ME1: variants seen among roughly 807,000 people sequenced by gnomAD.
The protein encoded by ME1 is malic enzyme 1, also known as NADP-dependent malic enzyme.
Under a neutral mutation model 66.4 loss-of-function variants are expected in ME1, and 74 were observed. That is an observed-to-expected ratio of 1.11 (90% CI 0.92 to 1.35). ME1 has a LOEUF of 1.35. Among genes scored for constraint, ME1 ranks in the 40% most tolerant of loss-of-function variants. ME1 has a pLI of 0.00. For synonymous variants in ME1, 251 were observed against 235.6 expected, an observed-to-expected ratio of 1.07 and a Z score of -0.60; for missense variants, 750 against 694.1, an observed-to-expected ratio of 1.08 and a Z score of -0.90.
At position 83,211,525 on chromosome 6, in the gene ME1, G is replaced by GC. The variant is rs1413008702; in HGVS notation, c.*398dup. 4.8e-5 allele frequency: 1 copy of GC among 20,962 alleles called. No homozygotes were observed. Among genetic ancestry groups the GC allele is most frequent in the African/African-American group, 4.1e-4 (1 of 2,460 alleles). 1.3% of individuals were successfully genotyped at this position (20,962 alleles called of 1,614,324 possible). On this transcript the variant is annotated 3_prime_UTR_variant, in exon 14 of 14. Transcript: ENST00000369705. ...TCACCTACGCCTAGATTCATTTCTA[G>GC]CTTTTTTTTTTTGAAAAGTAGATTT...
chr6:83,341,135 A>G (rs946568879), intron 5 of ME1, among the ~76,000 whole-genome samples: 1 of 152,104 alleles, frequency 6.6e-6, no homozygotes, highest in African/African-American at 2.4e-5. Flanking sequence ...TGGGCAATCA[A>G]TCAATCAATC....
chr6:83,385,417 T>G (rs1769487174), intron 3 of ME1, among the ~76,000 whole-genome samples: 1 of 151,936 alleles, frequency 6.6e-6, no homozygotes, highest in Non-Finnish European at 1.5e-5. Flanking sequence ...ATGCTATGTG[T>G]AAACTTAAGT....
intron 5 of ME1, among the ~76,000 whole-genome samples, 199 bp from the exon 6 acceptor site, chr6:83,315,612 T>G (rs1768016593): frequency 6.6e-6 from 1 of 152,114 alleles, no homozygotes; most frequent in Non-Finnish European, 1.5e-5. Flanking sequence ...AGAAAAATAA[T>G]TTCTGGTCAG....
intron 6 of ME1, among the ~76,000 whole-genome samples, chr6:83,260,150 A>C (rs1583345019): frequency 6.6e-6 from 1 of 150,720 alleles, no homozygotes; most frequent in Non-Finnish European, 1.5e-5. Flanking sequence ...AGAATCAAAA[A>C]ATCACACAAC....
intron 1 of ME1, among the ~76,000 whole-genome samples, chr6:83,412,749 G>T (rs1306898741): frequency 6.6e-6 from 1 of 152,152 alleles, no homozygotes; most frequent in East Asian, 1.9e-4. Context: ...CATACTGTAT[G>T]ATTCCATTTA....
At chr6:83,307,333 A>G (rs1337307229) in intron 6 of ME1, among the ~76,000 whole-genome samples, 1 of 152,060 alleles carries the variant, frequency 6.6e-6, no homozygotes. Context: ...GGGAAAATGG[A>G]AAAAAATTCT....
intron 3 of ME1, among the ~76,000 whole-genome samples, chr6:83,398,113 G>T (rs924735722): frequency 6.6e-6 from 1 of 152,052 alleles, no homozygotes; most frequent in East Asian, 1.9e-4. Flanking sequence ...TATTATATAC[G>T]TGAAAACTGC....
chr6:83,381,930 C>T (rs1769408166), intron 3 of ME1, among the ~76,000 whole-genome samples: 1 of 152,032 alleles, frequency 6.6e-6, no homozygotes, highest in Non-Finnish European at 1.5e-5. Context: ...ACCCACACAC[C>T]CTGCATGAGA....
At chr6:83,330,245 AG>A (rs1768378367) in intron 5 of ME1, among the ~76,000 whole-genome samples, 1 of 152,190 alleles carries the variant, frequency 6.6e-6, no homozygotes, top group Non-Finnish European at 1.5e-5. Flanking sequence ...TATAATCTAC[AG>A]AAAATTATTT....
chr6:83,309,032 A>G (rs2128538080), intron 6 of ME1, among the ~76,000 whole-genome samples: 1 of 152,268 alleles, frequency 6.6e-6, no homozygotes, highest in Non-Finnish European at 1.5e-5. Context: ...AACAGGCCAC[A>G]ACAAAGTGGG....
chr6:83,313,526 T>C (rs1281631100), intron 6 of ME1, among the ~76,000 whole-genome samples: 1 of 152,216 alleles, frequency 6.6e-6, no homozygotes, highest in Non-Finnish European at 1.5e-5. Flanking sequence ...TTCATCAGCG[T>C]TTAAGTGCAC....
At chr6:83,293,341 C>T (rs975030140) in intron 6 of ME1, among the ~76,000 whole-genome samples, 5 of 152,104 alleles carry the variant, frequency 3.3e-5, no homozygotes, top group African/African-American at 4.8e-5. Flanking sequence ...TTCACAGCAT[C>T]GTACAATGGA....
intron 6 of ME1, among the ~76,000 whole-genome samples, chr6:83,255,763 C>T (rs1238971209): frequency 1.3e-5 from 2 of 151,986 alleles, no homozygotes; most frequent in Non-Finnish European, 2.9e-5. Context: ...TCTACTACTG[C>T]TGATGACAAC....
intron 1 of ME1, among the ~76,000 whole-genome samples, chr6:83,419,003 G>T (rs1377368774): frequency 6.6e-6 from 1 of 152,146 alleles, no homozygotes; most frequent in Non-Finnish European, 1.5e-5. Flanking sequence ...GGCTTCTCAG[G>T]GAAAGCGTAG....
chr6:83,397,140 T>C (rs1161253900), intron 3 of ME1, among the ~76,000 whole-genome samples: 3 of 152,128 alleles, frequency 2.0e-5, no homozygotes, highest in Non-Finnish European at 2.9e-5. Context: ...AATGGAATTA[T>C]AATAAACTAA....
chr6:83,248,595 G>A (rs1418165014), intron 7 of ME1, among the ~76,000 whole-genome samples: 1 of 152,044 alleles, frequency 6.6e-6, no homozygotes, highest in Non-Finnish European at 1.5e-5. Context: ...GGAGGTAATT[G>A]GATCATGGGG....
At chr6:83,246,843 C>T (rs1214747998) in intron 7 of ME1, among the ~76,000 whole-genome samples, 1 of 152,108 alleles carries the variant, frequency 6.6e-6, no homozygotes, top group Non-Finnish European at 1.5e-5. Context: ...TGCGAGTGCT[C>T]ATTTTCTAAA....
At chr6:83,425,462 C>T (rs1033009948) in intron 1 of ME1, among the ~76,000 whole-genome samples, 10 of 151,968 alleles carry the variant, frequency 6.6e-5, no homozygotes, top group South Asian at 2.1e-4. Flanking sequence ...ACAATCATGG[C>T]GGGAGGGGAA....
At chr6:83,217,309 C>T (rs1444173861) in intron 12 of ME1, among the ~76,000 whole-genome samples, 1 of 152,064 alleles carries the variant, frequency 6.6e-6, no homozygotes, top group East Asian at 1.9e-4. Context: ...GGCCTTTGTT[C>T]CATGAAAATG....
Sources: gnomAD v4.1 joint callset for allele counts (sites outside exome capture counted in the v4.1 genomes callset) on GRCh38, gnomAD v4.1.1 for gene constraint, MANE v1.5 for transcripts, NCBI Gene and HGNC (gene_info 2026-07-23, HGNC 2026-07-21) for gene names.